RALGPS1: variants seen among roughly 807,000 people sequenced by gnomAD.
The protein encoded by RALGPS1 is ras-specific guanine nucleotide-releasing factor RalGPS1.
Under a neutral mutation model 78.8 loss-of-function variants are expected in RALGPS1, and 19 were observed. That is an observed-to-expected ratio of 0.24 (90% confidence interval 0.17 to 0.35). The LOEUF (loss-of-function observed/expected upper bound fraction) is 0.35, where lower values mean the gene tolerates loss of function less well. RALGPS1 is among the 10% of genes least tolerant of loss of function. RALGPS1 has a pLI of 1.00. For synonymous variants in RALGPS1, 228 were observed against 256.3 expected, an observed-to-expected ratio of 0.89 and a Z score of 1.06; for missense variants, 454 against 688.3, an observed-to-expected ratio of 0.66 and a Z score of 3.81.
At chr9:127,062,134 G>A (rs1252807354) in intron 7 of RALGPS1, among the ~76,000 whole-genome samples, 1 of 151,988 alleles carries the variant, frequency 6.6e-6, no homozygotes, top group South Asian at 2.1e-4. Context: ...GTCTCGCTCT[G>A]TCACCCAGGC....
In RALGPS1 at chr9:127,093,966, G is replaced by A. The variant is rs909565770; in HGVS notation, c.610+24610G>A. 3 of 1,595,236 alleles carry A rather than the reference G, an allele frequency of 1.9e-6. No individual in the cohort carries two copies. In the African/African-American group the frequency reaches 4.0e-5, roughly 21 times the overall value. Reference sequence around the variant, plus strand: ...ATGCATATACATCACAGACCTGCCTGTCACCAGGCCGCACCCCCAGCTGCA... The same window carrying A: ...ATGCATATACATCACAGACCTGCCTATCACCAGGCCGCACCCCCAGCTGCA... On this transcript the variant is annotated intron_variant, in intron 8 of 18. Coordinates refer to ENST00000259351, the MANE Select transcript of RALGPS1 (RefSeq NM_014636.3).
chr9:126,981,952 G>A (rs542273779), intron 4 of RALGPS1, among the ~76,000 whole-genome samples: 4 of 152,286 alleles, frequency 2.6e-5, no homozygotes, highest in African/African-American at 9.6e-5. Flanking sequence ...AGTGGGGATG[G>A]AAAGTCTGCT....
At chr9:126,980,689 C>A (rs534458422) in intron 4 of RALGPS1, among the ~76,000 whole-genome samples, 1 of 152,100 alleles carries the variant, frequency 6.6e-6, no homozygotes, top group East Asian at 1.9e-4. Context: ...CTAAGATTAC[C>A]CTTAATTCAG....
In RALGPS1 at chr9:127,014,307, G is replaced by C. The variant is rs139887787; in HGVS notation, c.217-20124G>C. On this transcript the variant is annotated intron_variant, in intron 4 of 18. Transcript: ENST00000259351. ...AGTTGTTTTTCCTTTGAGCCTTTTA[G>C]GAAAGGGAACTTTTCCTGAAAGAGC... 2.0e-5 allele frequency among the ~76,000 whole-genome samples: 3 copies of C among 152,160 alleles called. No homozygotes were observed. The East Asian group carries it at 5.8e-4, about 29-fold the overall frequency.
chr9:127,108,795 A>T, intron 8 of RALGPS1: 1 of 1,499,608 alleles, frequency 6.7e-7, no homozygotes, highest in Admixed American at 1.9e-5. Context: ...AAGTAAACAG[A>T]GGGGAGAATC....
intron 8 of RALGPS1, chr9:127,093,739 C>T (rs748331538): frequency 3.0e-5 from 49 of 1,613,886 alleles, no homozygotes; most frequent in Non-Finnish European, 3.6e-5. Context: ...TCACCTTGTA[C>T]GTCTCCCAGT....
intron 4 of RALGPS1, chr9:126,990,035 C>T (rs2042146032): frequency 1.3e-6 from 2 of 1,548,506 alleles, no homozygotes; most frequent in Non-Finnish European, 1.7e-6. Flanking sequence ...TGCCGTTTGC[C>T]TGCTCTGAAG....
chr9:126,999,413 T>C (rs758299449), intron 4 of RALGPS1, among the ~76,000 whole-genome samples: 28 of 152,226 alleles, frequency 1.8e-4, no homozygotes, highest in Non-Finnish European at 3.7e-4. Context: ...TGTAATCACA[T>C]GCATCTGCCA....
intron 12 of RALGPS1, among the ~76,000 whole-genome samples, chr9:127,195,813 T>G (rs1482675753): frequency 7.5e-6 from 1 of 132,764 alleles, no homozygotes; most frequent in Admixed American, 7.7e-5. Context: ...CCTCCCTCCC[T>G]CCCTTCCTCC....
At chr9:127,214,201 A>T (rs999698246) in intron 17 of RALGPS1, 1 of 152,206 alleles carries the variant, frequency 6.6e-6, no homozygotes, top group East Asian at 1.9e-4. Context: ...GAAAAAAAAA[A>T]TGCATCTTTG....
chr9:126,985,229 C>A (rs1275588453), intron 4 of RALGPS1, among the ~76,000 whole-genome samples: 1 of 152,138 alleles, frequency 6.6e-6, no homozygotes, highest in African/African-American at 2.4e-5. Flanking sequence ...GTAACTGTTG[C>A]TTGTTTATCT....
chr9:127,186,942 G>T (rs1211442645), intron 11 of RALGPS1, among the ~76,000 whole-genome samples: 1 of 152,162 alleles, frequency 6.6e-6, no homozygotes, highest in African/African-American at 2.4e-5. Flanking sequence ...GAGAGACTGG[G>T]CATGGGAATC....
At chr9:127,179,350 G>A (rs1055276491) in intron 11 of RALGPS1, among the ~76,000 whole-genome samples, 3 of 152,170 alleles carry the variant, frequency 2.0e-5, no homozygotes, top group Non-Finnish European at 2.9e-5. Flanking sequence ...GGGGTCCTGG[G>A]AAGGGTGGGG....
At chr9:127,099,996 C>T (rs553286027) in intron 8 of RALGPS1, among the ~76,000 whole-genome samples, 1 of 152,276 alleles carries the variant, frequency 6.6e-6, no homozygotes, top group Non-Finnish European at 1.5e-5. Flanking sequence ...ACTGCAAAAT[C>T]AAAATTTATT....
At chr9:127,088,844 G>T in intron 8 of RALGPS1, 2 of 1,423,308 alleles carry the variant, frequency 1.4e-6, no homozygotes, top group Non-Finnish European at 2.0e-6. Context: ...CCAGCCTCAG[G>T]ATGAACTGGT....
At chr9:127,062,163 T>G (rs1183666215) in intron 7 of RALGPS1, among the ~76,000 whole-genome samples, 1 of 152,182 alleles carries the variant, frequency 6.6e-6, no homozygotes, top group Non-Finnish European at 1.5e-5. Context: ...AGTGGCGCGA[T>G]CTTGACTCAC....
intron 7 of RALGPS1, among the ~76,000 whole-genome samples, chr9:127,056,646 T>C (rs1468813085): frequency 2.0e-5 from 3 of 152,306 alleles, no homozygotes; most frequent in Non-Finnish European, 1.5e-5. Flanking sequence ...TTGATGCACC[T>C]GTCTGGTAAC....
chr9:127,107,058 CAG>C (rs2054288490), intron 8 of RALGPS1: 1 of 152,234 alleles, frequency 6.6e-6, no homozygotes, highest in Non-Finnish European at 1.5e-5. Flanking sequence ...GACATTCTGA[CAG>C]GGGAGCCTCT....
chr9:126,975,265 C>T (rs1230648090), intron 3 of RALGPS1, among the ~76,000 whole-genome samples: 1 of 152,182 alleles, frequency 6.6e-6, no homozygotes, highest in Non-Finnish European at 1.5e-5. Context: ...AACACCTGAA[C>T]ACATTTTCTG....
Sources: gnomAD v4.1 joint callset for allele counts (sites outside exome capture counted in the v4.1 genomes callset) on GRCh38, gnomAD v4.1.1 for gene constraint, MANE v1.5 for transcripts, NCBI Gene and HGNC (gene_info 2026-07-23, HGNC 2026-07-21) for gene names.